Variants in LRRTM4 observed in about 807,000 individuals in gnomAD.
The protein encoded by LRRTM4 is leucine rich repeat transmembrane neuronal 4, also known as leucine-rich repeat transmembrane neuronal protein 4.
LRRTM4 carries 25 observed loss-of-function variants against 47.6 expected under a neutral mutation model. The observed-to-expected ratio is 0.53, with a 90% confidence interval of 0.38 to 0.73. The LOEUF (loss-of-function observed/expected upper bound fraction) is 0.73. LRRTM4 is among the 30% of genes least tolerant of loss of function. The probability of loss-of-function intolerance (pLI) is 0.00; values close to 1 mark genes in which losing one functional copy is unlikely to be tolerated. For missense variants in LRRTM4, 638 were observed against 713.4 expected, an observed-to-expected ratio of 0.89 and a Z score of 1.20; for synonymous variants, 311 against 269.5, an observed-to-expected ratio of 1.15 and a Z score of -1.51.
At chr2:77,329,384 G>T (rs539163746) in intron 3 of LRRTM4, among the ~76,000 whole-genome samples, 6 of 152,110 alleles carry the variant, frequency 3.9e-5, no homozygotes, top group Non-Finnish European at 5.9e-5. Context: ...TTGTAAATAT[G>T]GTTTTGGATG....
intron 3 of LRRTM4, among the ~76,000 whole-genome samples, chr2:77,213,724 T>C (rs1008586969): frequency 1.2e-4 from 18 of 152,128 alleles, no homozygotes; most frequent in African/African-American, 4.3e-4. Flanking sequence ...GCTAATGGGA[T>C]AGGTTACACT....
At chr2:76,785,839 T>C (rs918976470) in intron 3 of LRRTM4, among the ~76,000 whole-genome samples, 2 of 152,150 alleles carry the variant, frequency 1.3e-5, no homozygotes, top group Non-Finnish European at 2.9e-5. Flanking sequence ...ATGGGTATTT[T>C]AAAAGACAAG....
chr2:76,750,357 G>A (rs759912464), intron 3 of LRRTM4, among the ~76,000 whole-genome samples: 3 of 152,058 alleles, frequency 2.0e-5, no homozygotes, highest in African/African-American at 4.8e-5. Context: ...TCTTCCTTTC[G>A]TTCCCTCAGC....
intron 3 of LRRTM4, among the ~76,000 whole-genome samples, chr2:76,899,379 A>G (rs1326083493): frequency 2.6e-5 from 4 of 151,498 alleles, no homozygotes; most frequent in Non-Finnish European, 5.9e-5. Context: ...TATATTTTAT[A>G]ATAGTGCATA....
At chr2:76,847,865 A>C (rs940466255) in intron 3 of LRRTM4, among the ~76,000 whole-genome samples, 24 of 152,152 alleles carry the variant, frequency 1.6e-4, no homozygotes, top group African/African-American at 5.5e-4. Context: ...TGACATGCTA[A>C]ATCTTCTTCC....
At chr2:76,748,954 A>G (rs1225710738) in intron 3 of LRRTM4, 38 bp from the exon 4 acceptor site, 1 of 1,571,692 alleles carries the variant, frequency 6.4e-7, no homozygotes, top group South Asian at 1.1e-5. Context: ...GGATTATAAA[A>G]TTGCTTTGGA....
chr2:77,066,302 C>G (rs1255647020), intron 3 of LRRTM4, among the ~76,000 whole-genome samples: 2 of 152,134 alleles, frequency 1.3e-5, no homozygotes, highest in Non-Finnish European at 2.9e-5. Flanking sequence ...ACTACTGAGT[C>G]TGTTGTATTA....
At chr2:77,385,697 T>C (rs1406980304) in intron 3 of LRRTM4, among the ~76,000 whole-genome samples, 2 of 150,976 alleles carry the variant, frequency 1.3e-5, no homozygotes, top group East Asian at 3.9e-4. Flanking sequence ...CTCTTCTTTT[T>C]CTAAAAAATA....
intron 3 of LRRTM4, among the ~76,000 whole-genome samples, chr2:76,979,207 C>A (rs1676515033): frequency 6.6e-6 from 1 of 151,932 alleles, no homozygotes; most frequent in African/African-American, 2.4e-5. Flanking sequence ...AGAAGTGCTT[C>A]AAGGGTAATT....
chr2:77,166,338 C>G (rs974437316), intron 3 of LRRTM4, among the ~76,000 whole-genome samples: 7 of 152,168 alleles, frequency 4.6e-5, no homozygotes, highest in Admixed American at 2.0e-4. Context: ...ATTCCATGCT[C>G]ATGGATAGGA....
chr2:76,904,344 G>C (rs768893454), intron 3 of LRRTM4, among the ~76,000 whole-genome samples: 1 of 152,186 alleles, frequency 6.6e-6, no homozygotes, highest in Non-Finnish European at 1.5e-5. Context: ...TTGATTCAGA[G>C]ATTGTTATTC....
At chr2:77,225,877 A>G (rs922697461) in intron 3 of LRRTM4, among the ~76,000 whole-genome samples, 6 of 151,974 alleles carry the variant, frequency 3.9e-5, no homozygotes, top group African/African-American at 9.7e-5. Flanking sequence ...AATTATATAT[A>G]TTGTTATTTT....
chr2:76,891,121 A>G (rs771390251), intron 3 of LRRTM4, among the ~76,000 whole-genome samples: 13 of 151,942 alleles, frequency 8.6e-5, no homozygotes, highest in Non-Finnish European at 1.6e-4. Flanking sequence ...AGAAAACTGA[A>G]GAATCTACAG....
chr2:77,439,282 T>A (rs1390360375), intron 3 of LRRTM4, among the ~76,000 whole-genome samples: 1 of 152,214 alleles, frequency 6.6e-6, no homozygotes, highest in Non-Finnish European at 1.5e-5. Context: ...TAAATTTTCA[T>A]ATTTTTCTTC....
Position 77,137,708 on chromosome 2 carries a change from G to C in LRRTM4, c.1551+380610C>G, listed in dbSNP as rs146802013. Among the ~76,000 whole-genome samples, 601 of 152,244 alleles carry C rather than the reference G, an allele frequency of 3.9e-3. 2 individuals are homozygous for C. The highest frequency in any genetic ancestry group is 6.6e-3 in the Non-Finnish European group (447 of 68,018). ...TTGGAAAAAGAGTCAAGACCCATCA[G>C]TGTGCTGTATTCAGGAGACCCATGT... On this transcript the variant is annotated intron_variant, in intron 3 of 3. Transcript: ENST00000409884.
chr2:77,338,177 C>T (rs1263194220), intron 3 of LRRTM4, among the ~76,000 whole-genome samples: 1 of 151,904 alleles, frequency 6.6e-6, no homozygotes, highest in East Asian at 1.9e-4. Context: ...GGCCATTGAC[C>T]TTGAGAAATA....
At chr2:77,295,636 C>T (rs555207421) in intron 3 of LRRTM4, among the ~76,000 whole-genome samples, 6 of 152,198 alleles carry the variant, frequency 3.9e-5, no homozygotes, top group African/African-American at 1.4e-4. Flanking sequence ...ATGAAGGTGT[C>T]GAGCAGGGTT....
intron 3 of LRRTM4, among the ~76,000 whole-genome samples, chr2:77,420,599 G>A (rs1171908989): frequency 6.6e-6 from 1 of 151,124 alleles, no homozygotes; most frequent in Non-Finnish European, 1.5e-5. Context: ...AATGGAAATG[G>A]AAATATGACT....
At chr2:76,754,715 TA>T (rs1309106172) in intron 3 of LRRTM4, among the ~76,000 whole-genome samples, 1 of 152,184 alleles carries the variant, frequency 6.6e-6, no homozygotes, top group East Asian at 1.9e-4. Context: ...TTGCCTAGAA[TA>T]CAGGCTGGCC....
Sources: allele counts gnomAD v4.1 joint callset (sites outside exome capture counted in the v4.1 genomes callset), GRCh38; gene constraint gnomAD v4.1.1; transcripts MANE v1.5; gene names NCBI Gene and HGNC (gene_info 2026-07-23, HGNC 2026-07-21).